Variants in TET3 observed in about 807,000 individuals in gnomAD.
TET3 encodes methylcytosine dioxygenase TET3.
In TET3, 19 loss-of-function variants were observed where a neutral mutation model predicts 141.4. The observed-to-expected ratio is 0.13, with a 90% confidence interval of 0.09 to 0.20. The LOEUF is 0.20. Ranked by LOEUF, TET3 falls within the 10% of genes least tolerant of loss-of-function variation. The probability of loss-of-function intolerance (pLI) is 1.00; values close to 1 mark genes in which losing one functional copy is unlikely to be tolerated. For missense variants in TET3, 1,874 were observed against 2,356.9 expected (o/e 0.80, Z 4.24); for synonymous variants, 1,043 against 980.9 (o/e 1.06, Z -1.18).
Position 74,075,159 on chromosome 2 carries a change from T to C in TET3, c.2585+1520T>C, listed in dbSNP as rs377309879. On this transcript the variant is annotated intron_variant, in intron 5 of 11. Coordinates refer to ENST00000409262, the MANE Select transcript of TET3 (RefSeq NM_001287491.2). ...TGCTGGGATTACAGGCGTGAGCCAC[T>C]GCGCCCAGCTGCATTAGTATTTTAA... Among the ~76,000 whole-genome samples, 38 of 151,938 alleles carry C rather than the reference T, an allele frequency of 2.5e-4. No individual in the cohort carries two copies. In the East Asian group the frequency reaches 3.1e-3, roughly 12 times the overall value.
the TET3 span, among the ~76,000 whole-genome samples, chr2:74,123,457 A>G: frequency 2.3e-3 from 355 of 152,360 alleles, 6 homozygotes; most frequent in African/African-American, 8.0e-3. Context: ...TCTCTACTAA[A>G]AATACAAAAA....
At chr2:74,119,305 A>C in the TET3 span, among the ~76,000 whole-genome samples, 1 of 151,368 alleles carries the variant, frequency 6.6e-6, no homozygotes, top group South Asian at 2.1e-4. Context: ...GTGAGCCGAG[A>C]TCGCACCACT....
intron 3 of TET3, among the ~76,000 whole-genome samples, chr2:74,026,134 G>T (rs1279012244): frequency 6.6e-6 from 1 of 152,040 alleles, no homozygotes; most frequent in Admixed American, 6.5e-5. Flanking sequence ...CCAGGCCACA[G>T]CATCCCACCC....
chr2:74,124,382 C>T, the TET3 span, among the ~76,000 whole-genome samples: 1 of 151,230 alleles, frequency 6.6e-6, no homozygotes, highest in Non-Finnish European at 1.5e-5. Flanking sequence ...GCCACTGCCC[C>T]GTCTGGGAGG....
intron 4 of TET3, among the ~76,000 whole-genome samples, chr2:74,059,238 TA>T (rs1246971915): frequency 6.6e-6 from 1 of 152,240 alleles, no homozygotes. Flanking sequence ...ATTGTGTTTT[TA>T]TTTTATTTAT....
At chr2:74,081,026 C>T (rs1032751691) in intron 6 of TET3, among the ~76,000 whole-genome samples, 2 of 152,216 alleles carry the variant, frequency 1.3e-5, no homozygotes, top group African/African-American at 4.8e-5. Flanking sequence ...GTGCTTTTGT[C>T]TGCTGCCTGG....
chr2:74,127,375 A>T, the TET3 span, among the ~76,000 whole-genome samples: 3 of 152,226 alleles, frequency 2.0e-5, no homozygotes, highest in African/African-American at 4.8e-5. Context: ...TATTGACATG[A>T]TGTTAATAAA....
chr2:74,101,308 G>A lies in TET3; in HGVS notation c.4520G>A (p.Arg1507Gln), dbSNP rs371189168. Residue 1507 changes from arginine (R) to glutamine (Q), a missense_variant, in exon 12 of 12, where the codon CGG becomes CAG. Arg to Gln is a conservative substitution (Grantham distance 43). Coordinates refer to ENST00000409262, the MANE Select transcript of TET3 (RefSeq NM_001287491.2). This position sits in a 1 kb window ranked among gnomAD's most constrained non-coding sequence, Gnocchi z 8.5. ...CAGGCAGCTTCCCACTCTGGAGGAC[G>A]GCTGCGAGGCAAACCGTGGAGCCCC... is the stretch of plus-strand genomic sequence containing the variant. ...GQQAASHSGG[R>Q]LRGKPWSPCK... 1.2e-4 allele frequency: 190 copies of A among 1,613,378 alleles called. No homozygotes were observed. The Admixed American group carries it at 2.4e-3, about 21-fold the overall frequency.
intron 3 of TET3, among the ~76,000 whole-genome samples, chr2:74,014,652 A>G (rs1685638552): frequency 6.6e-6 from 1 of 152,152 alleles, no homozygotes; most frequent in Non-Finnish European, 1.5e-5. Context: ...TTTTGGTAGT[A>G]TTTAGAAAAG....
chr2:74,018,200 C>G (rs116653305), intron 3 of TET3, among the ~76,000 whole-genome samples: 3,596 of 152,232 alleles, frequency 0.024, 143 homozygotes, highest in African/African-American at 0.081. Context: ...CTCGCGCCCT[C>G]AAGTGATCGG....
At chr2:74,079,318 C>T (rs1226657890) in intron 5 of TET3, among the ~76,000 whole-genome samples, 1 of 152,100 alleles carries the variant, frequency 6.6e-6, no homozygotes, top group Non-Finnish European at 1.5e-5. Context: ...TGCATTCCAG[C>T]CTGGGCGACA....
intron 2 of TET3, among the ~76,000 whole-genome samples, chr2:74,001,521 A>G (rs1684847874): frequency 6.6e-6 from 1 of 152,198 alleles, no homozygotes; most frequent in South Asian, 2.1e-4. Context: ...TACGAGAGGT[A>G]AGTTACAACC....
intron 5 of TET3, among the ~76,000 whole-genome samples, chr2:74,079,512 A>G (rs1689691979): frequency 6.6e-6 from 1 of 152,216 alleles, no homozygotes; most frequent in Non-Finnish European, 1.5e-5. Flanking sequence ...ATTCTGTAAG[A>G]TGGCGTTTAC....
chr2:74,080,697 G>A, intron 6 of TET3, 106 bp downstream of exon 6: 1 of 410,936 alleles, frequency 2.4e-6, no homozygotes, highest in Non-Finnish European at 4.2e-6. Flanking sequence ...AGCAGGCGAG[G>A]GCGGGGGGTG....
intron 3 of TET3, among the ~76,000 whole-genome samples, chr2:74,032,807 A>G (rs554706236): frequency 1.3e-5 from 2 of 152,130 alleles, no homozygotes; most frequent in African/African-American, 4.8e-5. Flanking sequence ...GCTGCAGGGG[A>G]GCGTGTGCTG....
chr2:74,015,144 G>A (rs546870469), intron 3 of TET3, among the ~76,000 whole-genome samples: 1 of 152,192 alleles, frequency 6.6e-6, no homozygotes, highest in South Asian at 2.1e-4. Context: ...AGAAGGTGCA[G>A]TGCCTTGGGG....
intron 3 of TET3, among the ~76,000 whole-genome samples, chr2:74,015,662 A>G (rs182799455): frequency 1.3e-5 from 2 of 152,260 alleles, no homozygotes; most frequent in Non-Finnish European, 2.9e-5. Flanking sequence ...TTTTTTTGCA[A>G]TTATAAATGT....
chr2:73,985,792 G>A (rs1353319879), intron 1 of TET3, among the ~76,000 whole-genome samples, 188 bp from the exon 2 acceptor site: 1 of 151,438 alleles, frequency 6.6e-6, no homozygotes, highest in Admixed American at 6.6e-5. Context: ...CAGCCCTCAG[G>A]CCCGAGGCCG....
chr2:74,099,287 G>T lies in TET3; in HGVS notation c.3279G>T (p.Leu1093=). ...LYNGCTVVCT[L]TKEDNRCVGK... is the part of the protein sequence containing the mutation. Reference sequence around the variant, plus strand: ...ACTGCTTGGGGCAGGTCTGCACCCTGACCAAGGAAGACAATCGCTGCGTGG... The same window carrying T: ...ACTGCTTGGGGCAGGTCTGCACCCTTACCAAGGAAGACAATCGCTGCGTGG... The change falls in exon 11 of 12, where the codon CTG becomes CTT. Residue 1093 remains leucine (L), a synonymous_variant. Coordinates refer to ENST00000409262, the MANE Select transcript of TET3 (RefSeq NM_001287491.2). 1 of 1,598,252 alleles carries T rather than the reference G, an allele frequency of 6.3e-7. No individual in the cohort carries two copies. The highest frequency in any genetic ancestry group is 1.1e-5 in the South Asian group (1 of 88,394).
Sources: allele counts gnomAD v4.1 joint callset (sites outside exome capture counted in the v4.1 genomes callset), GRCh38; gene constraint gnomAD v4.1.1; non-coding constraint Gnocchi (gnomAD v3.1); transcripts MANE v1.5; gene names NCBI Gene and HGNC (gene_info 2026-07-23, HGNC 2026-07-21).